SORCS3: variants seen among roughly 807,000 people sequenced by gnomAD.
The protein encoded by SORCS3 is sortilin related VPS10 domain containing receptor 3.
Under a neutral mutation model 146.3 loss-of-function variants are expected in SORCS3, and 57 were observed. That is an observed-to-expected ratio of 0.39 (90% confidence interval 0.31 to 0.49). The LOEUF (loss-of-function observed/expected upper bound fraction) is 0.49. SORCS3 is among the 20% of genes least tolerant of loss of function. SORCS3 has a pLI of 0.92. For missense variants in SORCS3, 1,341 were observed against 1,575.5 expected, an observed-to-expected ratio of 0.85 and a Z score of 2.52; for synonymous variants, 653 against 618.5, an observed-to-expected ratio of 1.06 and a Z score of -0.83.
At chr10:104,894,871 T>C (rs753168386) in intron 2 of SORCS3, among the ~76,000 whole-genome samples, 15 of 152,142 alleles carry the variant, frequency 9.9e-5, no homozygotes, top group Non-Finnish European at 1.8e-4. Context: ...CATCCTGGAA[T>C]TGAAATGGCA....
intron 1 of SORCS3, among the ~76,000 whole-genome samples, chr10:104,753,002 C>A (rs955913623): frequency 1.3e-5 from 2 of 152,172 alleles, no homozygotes; most frequent in African/African-American, 4.8e-5. Flanking sequence ...GACAAACAAA[C>A]TTTCATGGAA....
chr10:105,128,219 G>A (rs117934276), intron 7 of SORCS3, among the ~76,000 whole-genome samples: 6 of 152,248 alleles, frequency 3.9e-5, no homozygotes, highest in East Asian at 1.9e-4. Context: ...GGCATGACCC[G>A]GAGAGCATGA....
chr10:105,220,878 A>G (rs1031610640), intron 19 of SORCS3, among the ~76,000 whole-genome samples: 5 of 152,144 alleles, frequency 3.3e-5, no homozygotes, highest in Non-Finnish European at 5.9e-5. Context: ...TGAACAAACA[A>G]ATCATACAAA....
chr10:104,921,489 C>T (rs758848895), intron 3 of SORCS3, among the ~76,000 whole-genome samples: 19 of 127,212 alleles, frequency 1.5e-4, no homozygotes, highest in Non-Finnish European at 9.3e-5. Context: ...GTACATGTCT[C>T]TCTCTCTCTC....
At chr10:104,760,607 AGT>A (rs1274612937) in intron 1 of SORCS3, among the ~76,000 whole-genome samples, 1 of 152,208 alleles carries the variant, frequency 6.6e-6, no homozygotes, top group African/African-American at 2.4e-5. Context: ...AATAACTTTG[AGT>A]GTTAATTTTC....
intron 1 of SORCS3, among the ~76,000 whole-genome samples, chr10:104,762,087 A>G (rs2017127867): frequency 1.3e-5 from 2 of 152,150 alleles, no homozygotes; most frequent in Non-Finnish European, 2.9e-5. Flanking sequence ...CTGAACATGA[A>G]CTCATGTTTT....
At chr10:105,189,570 T>G (rs2056500213) in intron 14 of SORCS3, among the ~76,000 whole-genome samples, 1 of 152,160 alleles carries the variant, frequency 6.6e-6, no homozygotes, top group Admixed American at 6.5e-5. Context: ...CAGTCCTGGA[T>G]GTGAATCACT....
intron 25 of SORCS3, among the ~76,000 whole-genome samples, chr10:105,261,475 G>T (rs745328927): frequency 6.6e-6 from 1 of 152,180 alleles, no homozygotes; most frequent in East Asian, 1.9e-4. Context: ...ATCCAGTCCA[G>T]ACTTACAGAG....
intron 8 of SORCS3, among the ~76,000 whole-genome samples, chr10:105,140,458 GT>G (rs1223765977): frequency 6.6e-6 from 1 of 152,088 alleles, no homozygotes; most frequent in African/African-American, 2.4e-5. Flanking sequence ...CTTCATGGAT[GT>G]TATGTTCTGG....
intron 1 of SORCS3, among the ~76,000 whole-genome samples, chr10:104,831,379 C>T (rs1245273069): frequency 3.3e-5 from 5 of 152,156 alleles, no homozygotes; most frequent in Non-Finnish European, 2.9e-5. Context: ...ATCTATTTAT[C>T]TGTTTTGCCC....
intron 5 of SORCS3, among the ~76,000 whole-genome samples, chr10:105,060,841 A>G (rs908040374): frequency 3.3e-5 from 5 of 151,984 alleles, no homozygotes; most frequent in Admixed American, 1.3e-4. Context: ...GGAGCCTGAG[A>G]CAGGAGAATC....
chr10:104,677,702 G>A (rs1442786302), intron 1 of SORCS3, among the ~76,000 whole-genome samples: 4 of 152,160 alleles, frequency 2.6e-5, no homozygotes, highest in South Asian at 4.1e-4. Flanking sequence ...GCAGGAATGA[G>A]GCCATTATCT....
intron 1 of SORCS3, among the ~76,000 whole-genome samples, chr10:104,727,635 G>C (rs867662346): frequency 6.6e-6 from 1 of 151,486 alleles, no homozygotes; most frequent in African/African-American, 2.4e-5. Flanking sequence ...AAGAATATAC[G>C]TGTGTGTGTG....
intron 3 of SORCS3, among the ~76,000 whole-genome samples, chr10:104,937,116 A>G (rs1782582671): frequency 6.6e-6 from 1 of 152,206 alleles, no homozygotes; most frequent in African/African-American, 2.4e-5. Context: ...TGTGCAACCT[A>G]GATCCCTTGT....
chr10:105,201,222 C>T lies in SORCS3; in HGVS notation c.2230C>T (p.Pro744Ser). 1 of 1,610,542 alleles carries T rather than the reference C, an allele frequency of 6.2e-7. No individual in the cohort carries two copies. The highest frequency in any genetic ancestry group is 8.5e-7 in the Non-Finnish European group (1 of 1,178,574). Residue 744 changes from proline (P) to serine (S), a missense_variant, in exon 16 of 27, where the codon CCC (proline) becomes TCC (serine). Transcript: ENST00000369701. The stretch of plus-strand genomic sequence containing the variant: ...CCACTCAGGATCAGTGGTCTCAGAA[C>T]CCTGTGTCTGTGCCAATTGGGACTT... Reference protein sequence around the residue: ...RDHSGSVVSEPCVCANWDFEC... With the variant: ...RDHSGSVVSESCVCANWDFEC...
intron 5 of SORCS3, among the ~76,000 whole-genome samples, chr10:105,069,291 C>G (rs7907702): frequency 0.17 from 25,878 of 152,196 alleles, 2,376 homozygotes; most frequent in Middle Eastern, 0.21. Flanking sequence ...AGGAAATCCA[C>G]TTATCTTGTA....
At chr10:104,882,958 C>T (rs1182647674) in intron 2 of SORCS3, among the ~76,000 whole-genome samples, 1 of 152,234 alleles carries the variant, frequency 6.6e-6, no homozygotes, top group Non-Finnish European at 1.5e-5. Context: ...AATCATTCTG[C>T]TTTCCAGGAG....
intron 14 of SORCS3, among the ~76,000 whole-genome samples, chr10:105,193,492 A>G (rs754780720): frequency 6.6e-6 from 1 of 152,188 alleles, no homozygotes; most frequent in African/African-American, 2.4e-5. Context: ...CTTTGTGTAT[A>G]GGGTTACCAG....
chr10:105,182,253 T>G (rs2056447446), intron 14 of SORCS3, among the ~76,000 whole-genome samples: 1 of 98,788 alleles, frequency 1.0e-5, no homozygotes, highest in Non-Finnish European at 2.2e-5. Flanking sequence ...TTTTTTTTTT[T>G]GTGCCAGGTA....
Sources: gnomAD v4.1 joint callset for allele counts (sites outside exome capture counted in the v4.1 genomes callset) on GRCh38, gnomAD v4.1.1 for gene constraint, MANE v1.5 for transcripts, NCBI Gene and HGNC (gene_info 2026-07-23, HGNC 2026-07-21) for gene names.